The following EPB42 variants were observed in gnomAD, a reference collection of about 807,000 sequenced individuals.
EPB42 encodes protein 4.2.
In EPB42, 49 loss-of-function variants were observed where a neutral mutation model predicts 76.9. The observed-to-expected ratio is 0.64, with a 90% CI of 0.51 to 0.81. The LOEUF (loss-of-function observed/expected upper bound fraction) is 0.81, where lower values mean the gene tolerates loss of function less well. Ranked by LOEUF, EPB42 falls within the 30% of genes least tolerant of loss-of-function variation. The pLI, the probability that EPB42 is intolerant of heterozygous loss-of-function variation, is 0.00. For synonymous variants in EPB42, 310 were observed against 338.4 expected (o/e 0.92, Z 0.92); for missense variants, 731 against 867.6 (o/e 0.84, Z 1.98).
chr15:43,211,097 G>T (rs376171691), intron 4 of EPB42, among the ~76,000 whole-genome samples: 5 of 152,166 alleles, frequency 3.3e-5, no homozygotes, highest in Admixed American at 6.5e-5. Context: ...AACATGGGGC[G>T]GTTCATGGGG....
chr15:43,214,291 G>C (rs1340935814), intron 3 of EPB42, among the ~76,000 whole-genome samples: 1 of 152,160 alleles, frequency 6.6e-6, no homozygotes, highest in Admixed American at 6.5e-5. Context: ...ATTTCTAGAC[G>C]ACACAGCTCC....
Position 43,216,316 on chromosome 15 carries a change from G to C in EPB42, c.148C>G (p.Arg50Gly). The C allele has an allele frequency of 6.2e-7, 1 of 1,614,168 alleles. No homozygotes were observed. The highest frequency in any genetic ancestry group is 8.5e-7 in the Non-Finnish European group (1 of 1,180,048). Residue 50 changes from arginine (R) to glycine (G), a missense_variant, in exon 2 of 13, where the codon CGT becomes GGT. By Grantham distance (125) the Arg-to-Gly change is moderately radical. Transcript: ENST00000441366. ...TTCTTCAGGGCAGGCAGAAATGCAC[G>C]GACTGGAGCGCGGAAGTACAGGATG... ...TIILYFRAPV[R>G]AFLPALKKVA...
At chr15:43,209,509 G>A in intron 5 of EPB42, 58 bp from the exon 6 acceptor site, 2 of 1,560,776 alleles carry the variant, frequency 1.3e-6, no homozygotes, top group African/African-American at 1.4e-5. Context: ...CAGCTTCCAG[G>A]GCATGGGTAA....
chr15:43,218,706 A>G, intron 1 of EPB42, among the ~76,000 whole-genome samples: 1 of 152,346 alleles, frequency 6.6e-6, no homozygotes, highest in African/African-American at 2.4e-5. Context: ...GATACATCAC[A>G]GGGGCCTCAG....
upstream of EPB42, among the ~76,000 whole-genome samples, chr15:43,222,749 T>C (rs529396148): frequency 6.6e-4 from 101 of 152,218 alleles, 1 homozygote; most frequent in Admixed American, 1.7e-3. Context: ...TTCAAATCCA[T>C]GGGGAAATGA....
chr15:43,209,335 G>A lies in EPB42; in HGVS notation c.771C>T (p.Thr257=), dbSNP rs753335525. 4.3e-5 allele frequency: 69 copies of A among 1,614,006 alleles called. No homozygotes were observed. The highest frequency in any genetic ancestry group is 1.6e-4 in the Middle Eastern group (1 of 6,084). The change falls in exon 6 of 13, where the codon ACC becomes ACT. Residue 257 remains threonine, a synonymous_variant. Transcript: ENST00000441366. ...CATCATACACAGGTCGGCCTCGGCCGGTGAGCCACTGCCGCAGGATGGGCA... is the reference window on the plus strand; with the variant it reads ...CATCATACACAGGTCGGCCTCGGCCAGTGAGCCACTGCCGCAGGATGGGCA... ...GSVPILRQWL[T]GRGRPVYDGQ...
intron 3 of EPB42, among the ~76,000 whole-genome samples, 199 bp downstream of exon 3, chr15:43,214,896 G>A (rs142930632): frequency 1.7e-4 from 26 of 152,322 alleles, no homozygotes; most frequent in African/African-American, 6.3e-4. Context: ...GCTTCTCCCA[G>A]GGGTGACACC....
intron 3 of EPB42, among the ~76,000 whole-genome samples, chr15:43,214,638 G>C (rs992922149): frequency 5.3e-5 from 8 of 152,108 alleles, no homozygotes. Flanking sequence ...GATTGCATCA[G>C]CTTCAGGTCC....
At chr15:43,221,127 A>G (rs960299445), upstream of EPB42, 1 of 360,716 alleles carries the variant, frequency 2.8e-6, no homozygotes, top group Admixed American at 3.9e-5. Flanking sequence ...GCCCTGGGGG[A>G]GGGGGTGGGA....
chr15:43,206,910 A>C lies in EPB42; in HGVS notation c.1319-281T>G, dbSNP rs2042213352. Reference sequence around the variant, plus strand: ...GAGAGAGCAAGGTTGGGGACAAGTCAACACTGTCTCTGAGGACAGTTTTGC... The same window carrying C: ...GAGAGAGCAAGGTTGGGGACAAGTCCACACTGTCTCTGAGGACAGTTTTGC... On this transcript the variant is annotated intron_variant, in intron 9 of 12. Coordinates refer to ENST00000441366, the MANE Select transcript of EPB42 (RefSeq NM_001114134.2). This position sits in a 1 kb window ranked among gnomAD's most constrained non-coding sequence, Gnocchi z 4.7. Among the ~76,000 whole-genome samples, 2 of 152,152 alleles carry C rather than the reference A, an allele frequency of 1.3e-5. No homozygotes were observed. Among genetic ancestry groups the C allele is most frequent in the African/African-American group, 4.8e-5 (2 of 41,430 alleles).
At chr15:43,204,430 C>T (rs1159605999) in intron 10 of EPB42, among the ~76,000 whole-genome samples, 1 of 152,152 alleles carries the variant, frequency 6.6e-6, no homozygotes, top group Admixed American at 6.5e-5. Context: ...TTGTTGGCCC[C>T]CCTGTGCTGG....
rs1272407763 is a variant in EPB42 at position 43,206,477 on chromosome 15, C to T, written c.1471G>A (p.Ala491Thr). 2 of 1,614,224 alleles carry T rather than the reference C, an allele frequency of 1.2e-6. No individual in the cohort carries two copies. The highest frequency in any genetic ancestry group is 1.7e-6 in the Non-Finnish European group (2 of 1,180,040). ...TTAACCAGCGTCACTGAGATCTGGGCATCCCCTCTCAGGGGTAGGGAGCTG... is the reference window on the plus strand; with the variant it reads ...TTAACCAGCGTCACTGAGATCTGGGTATCCCCTCTCAGGGGTAGGGAGCTG... ...APSSLPLRGD[A>T]QISVTLVNHS... Residue 491 changes from alanine (A) to threonine (T), a missense_variant, in exon 10 of 13, where the codon GCC (alanine) becomes ACC (threonine). Physicochemically the swap from Ala to Thr is moderately conservative, Grantham distance 58. Coordinates refer to ENST00000441366, the MANE Select transcript of EPB42 (RefSeq NM_001114134.2). The surrounding 1 kb of genome is among the most constrained non-coding windows in gnomAD (Gnocchi z 4.7).
At chr15:43,198,762 T>C (rs543411242) in intron 12 of EPB42, among the ~76,000 whole-genome samples, 44 of 152,176 alleles carry the variant, frequency 2.9e-4, no homozygotes, top group Non-Finnish European at 3.7e-4. Context: ...GCCCGGAGGC[T>C]CAGGAGGAAA....
chr15:43,207,179 G>T lies in EPB42; in HGVS notation c.1318+20C>A, dbSNP rs1193484344. The T allele has an allele frequency of 6.2e-7, 1 of 1,613,876 alleles. No individual in the cohort carries two copies. Among genetic ancestry groups the T allele is most frequent in the East Asian group, 2.2e-5 (1 of 44,880 alleles). On this transcript the variant is annotated intron_variant, in intron 9 of 12. Coordinates refer to ENST00000441366, the MANE Select transcript of EPB42 (RefSeq NM_001114134.2). ...CCGTTTCAGGTACCGAGAAGCCTGGGGCCCTTCCCTGGCCCGTACCTTCAG... is the reference window on the plus strand; with the variant it reads ...CCGTTTCAGGTACCGAGAAGCCTGGTGCCCTTCCCTGGCCCGTACCTTCAG...
chr15:43,210,950 C>T (rs1263663268), intron 4 of EPB42, among the ~76,000 whole-genome samples: 4 of 152,130 alleles, frequency 2.6e-5, no homozygotes, highest in African/African-American at 9.7e-5. Context: ...GAGAGGCTCC[C>T]CCTGCCTTCG....
intron 3 of EPB42, among the ~76,000 whole-genome samples, chr15:43,213,303 T>C (rs1320860998): frequency 1.3e-5 from 2 of 152,176 alleles, no homozygotes; most frequent in Non-Finnish European, 2.9e-5. Flanking sequence ...ACTTTTATCA[T>C]AGGATGTAAA....
At chr15:43,221,220 G>A (rs1235805931), upstream of EPB42, 1 of 322,260 alleles carries the variant, frequency 3.1e-6, no homozygotes, top group African/African-American at 2.2e-5. Context: ...TCTCAGAGAT[G>A]TTATCTGGAC....
At chr15:43,211,287 A>G (rs2042292152) in intron 4 of EPB42, 129 bp downstream of exon 4, 1 of 769,986 alleles carries the variant, frequency 1.3e-6, no homozygotes, top group Non-Finnish European at 2.4e-6. Flanking sequence ...AGGCACCACA[A>G]AGCTGAAATG....
chr15:43,213,065 C>T (rs989659397), intron 3 of EPB42, among the ~76,000 whole-genome samples: 3 of 152,136 alleles, frequency 2.0e-5, no homozygotes, highest in Non-Finnish European at 2.9e-5. Flanking sequence ...GCCCAAGGAG[C>T]CCTCCACTCC....
Sources: allele counts gnomAD v4.1 joint callset (sites outside exome capture counted in the v4.1 genomes callset), GRCh38; gene constraint gnomAD v4.1.1; non-coding constraint Gnocchi (gnomAD v3.1); transcripts MANE v1.5; gene names NCBI Gene and HGNC (gene_info 2026-07-23, HGNC 2026-07-21).